TECRL: variants seen among roughly 807,000 people sequenced by gnomAD.
TECRL encodes the protein trans-2,3-enoyl-CoA reductase-like.
In TECRL, 63 loss-of-function variants were observed where a neutral mutation model predicts 52.8. The observed-to-expected ratio is 1.19, with a 90% confidence interval of 0.97 to 1.47. The LOEUF is 1.47. Among genes scored for constraint, TECRL ranks in the 40% most tolerant of loss-of-function variants. TECRL has a pLI of 0.00. For synonymous variants in TECRL, 164 were observed against 141.9 expected, an observed-to-expected ratio of 1.16 and a Z score of -1.10; for missense variants, 482 against 429.6, an observed-to-expected ratio of 1.12 and a Z score of -1.08.
At position 64,409,288 on chromosome 4, in the gene TECRL, T is replaced by C; in HGVS notation, c.64A>G (p.Thr22Ala). The C allele has an allele frequency of 1.9e-6, 3 of 1,613,866 alleles. No homozygotes were observed. The highest frequency in any genetic ancestry group is 1.7e-6 in the Non-Finnish European group (2 of 1,179,834). ...RKRALLSQRA[T>A]RFILKDDMRN... ...ATATCATCCTTCAGTATGAACCGTG[T>C]AGCTCTTTGGGAAAGTAATGCTCTC... Residue 22 changes from threonine (T) to alanine (A), a missense_variant, in exon 1 of 12, where the codon ACA becomes GCA. Coordinates refer to ENST00000381210, the MANE Select transcript of TECRL (RefSeq NM_001010874.5).
rs753933389 is a variant in TECRL, at chr4:64,409,068, G to A, written c.234+50C>T. 28 of 1,431,280 alleles carry A rather than the reference G, an allele frequency of 2.0e-5. No individual in the cohort carries two copies. In the South Asian group the frequency reaches 3.4e-4, roughly 17 times the overall value. The allele number at this position is 1,431,280 out of a possible 1,614,324, so 88.7% of individuals were successfully genotyped here. On this transcript the variant is annotated intron_variant, in intron 1 of 11. Coordinates refer to ENST00000381210, the MANE Select transcript of TECRL (RefSeq NM_001010874.5). Reference sequence around the variant, plus strand: ...CAAGCAATCAATAATATTTGGGGCAGAGAAGAAACACTTAAACAAACAAAC... The same window carrying A: ...CAAGCAATCAATAATATTTGGGGCAAAGAAGAAACACTTAAACAAACAAAC...
At chr4:64,290,856 C>T (rs1258168429) in intron 8 of TECRL, among the ~76,000 whole-genome samples, 2 of 151,924 alleles carry the variant, frequency 1.3e-5, no homozygotes, top group Admixed American at 6.6e-5. Context: ...AACAAATACA[C>T]CAAATATATT....
chr4:64,279,760 T>C lies in TECRL; in HGVS notation c.*312A>G. The C allele has an allele frequency of 1.0e-6, 1 of 987,894 alleles. No homozygotes were observed. The highest frequency in any genetic ancestry group is 1.2e-6 in the Non-Finnish European group (1 of 831,048). The allele number at this position is 987,894 out of a possible 1,614,324, so 61.2% of individuals were successfully genotyped here. Reference sequence around the variant, plus strand: ...TTTTTCATTTGTTAATCAGATTTTTTTTTTTGCTGTGGTATTTTGTCTTAT... The same window carrying C: ...TTTTTCATTTGTTAATCAGATTTTTCTTTTTGCTGTGGTATTTTGTCTTAT... On this transcript the variant is annotated 3_prime_UTR_variant, in exon 12 of 12. Transcript: ENST00000381210.
At chr4:64,365,872 A>G (rs560381082) in intron 2 of TECRL, among the ~76,000 whole-genome samples, 1 of 152,200 alleles carries the variant, frequency 6.6e-6, no homozygotes, top group Admixed American at 6.6e-5. Context: ...CAGAATTAGA[A>G]TAATAAAACT....
At chr4:64,316,280 TA>T (rs1377201459) in intron 4 of TECRL, among the ~76,000 whole-genome samples, 5 of 152,076 alleles carry the variant, frequency 3.3e-5, no homozygotes, top group Non-Finnish European at 7.4e-5. Context: ...GAGAGGAAAT[TA>T]AACTATAATC....
chr4:64,309,740 C>T (rs528253984), intron 6 of TECRL, 86 bp downstream of exon 6: 20 of 883,246 alleles, frequency 2.3e-5, no homozygotes, highest in African/African-American at 1.7e-4. Context: ...ATCTAAGTTT[C>T]GGAAGGAAAC....
At chr4:64,353,771 C>T (rs1224469555) in intron 2 of TECRL, among the ~76,000 whole-genome samples, 1 of 149,754 alleles carries the variant, frequency 6.7e-6, no homozygotes, top group Non-Finnish European at 1.5e-5. Context: ...ATTTTTTAAA[C>T]CATGCAAATG....
At position 64,350,654 on chromosome 4, in the gene TECRL, G is replaced by A. The variant is rs570344529; in HGVS notation, c.287-22098C>T. On this transcript the variant is annotated intron_variant, in intron 2 of 11. Coordinates refer to ENST00000381210, the MANE Select transcript of TECRL (RefSeq NM_001010874.5). ...TGGAGCCATATCCAATTAATTGAAA[G>A]CCTCACTTGATAAAGACTGATCTCC... 5.9e-5 allele frequency among the ~76,000 whole-genome samples: 9 copies of A among 152,128 alleles called. No individual in the cohort carries two copies. The East Asian group carries it at 1.4e-3, about 23-fold the overall frequency.
chr4:64,285,672 G>T (rs1172491579), intron 9 of TECRL, among the ~76,000 whole-genome samples: 4 of 152,104 alleles, frequency 2.6e-5, no homozygotes, highest in Non-Finnish European at 5.9e-5. Flanking sequence ...CAAAAGATGA[G>T]AGTTCACTTT....
Position 64,305,238 on chromosome 4 carries a change from T to C in TECRL, c.658A>G (p.Ser220Gly). Residue 220 changes from serine to glycine, a missense_variant and splice_region_variant, in exon 7 of 12, where the codon AGT (serine) becomes GGT (glycine). Physicochemically the swap from Ser to Gly is moderately conservative, Grantham distance 56. Coordinates refer to ENST00000381210, the MANE Select transcript of TECRL (RefSeq NM_001010874.5). ...GHTPLKNLIM[S>G]CAFYWGFTSW... ...GTAAATCCCCAGTAAAAGGCACAAC[T>C]CTGCAAACAAAACAAAACAAAATAA... 1.2e-6 allele frequency: 2 copies of C among 1,612,148 alleles called. No individual in the cohort carries two copies. Among genetic ancestry groups the C allele is most frequent in the South Asian group, 1.1e-5 (1 of 90,988 alleles).
chr4:64,317,924 T>TA (rs896102486), intron 4 of TECRL, among the ~76,000 whole-genome samples: 4 of 151,966 alleles, frequency 2.6e-5, no homozygotes, highest in Admixed American at 2.0e-4. Context: ...GGCCTGGGAA[T>TA]AAAAAAACAA....
chr4:64,302,136 T>C (rs983131889), intron 7 of TECRL, among the ~76,000 whole-genome samples: 1 of 151,396 alleles, frequency 6.6e-6, no homozygotes, highest in Non-Finnish European at 1.5e-5. Flanking sequence ...TTTGATAATC[T>C]ATTTCATTTA....
At chr4:64,362,441 A>C (rs1577936863) in intron 2 of TECRL, among the ~76,000 whole-genome samples, 1 of 152,086 alleles carries the variant, frequency 6.6e-6, no homozygotes, top group East Asian at 1.9e-4. Context: ...ATAAATAAAT[A>C]AAGGCAGTTA....
chr4:64,400,634 G>T (rs1724288919), intron 1 of TECRL, among the ~76,000 whole-genome samples: 1 of 152,138 alleles, frequency 6.6e-6, no homozygotes, highest in Non-Finnish European at 1.5e-5. Context: ...TCTCATGAAT[G>T]GTTTAGTACC....
intron 2 of TECRL, among the ~76,000 whole-genome samples, chr4:64,374,732 G>A (rs950386995): frequency 3.9e-5 from 6 of 152,038 alleles, no homozygotes; most frequent in African/African-American, 1.2e-4. Flanking sequence ...CCCTACAAAG[G>A]ACATGAACTC....
In TECRL at chr4:64,328,690, T is replaced by C. The variant is rs1398944493; in HGVS notation, c.287-134A>G. The C allele has an allele frequency of 1.2e-5, 8 of 691,458 alleles. No homozygotes were observed. In the East Asian group the frequency reaches 2.2e-4, roughly 19 times the overall value. The allele number at this position is 691,458 out of a possible 1,614,324, so 42.8% of individuals were successfully genotyped here. On this transcript the variant is annotated intron_variant, in intron 2 of 11. Transcript: ENST00000381210. ...GGTTATCTAGTGTCAGAAATAGAAA[T>C]AGTGGTTACCTTTTGTAGGGTACTG...
intron 2 of TECRL, among the ~76,000 whole-genome samples, chr4:64,348,811 G>A (rs932862885): frequency 3.9e-5 from 6 of 152,094 alleles, no homozygotes; most frequent in African/African-American, 1.4e-4. Flanking sequence ...TTCCCGGTGA[G>A]ATTGACCACT....
chr4:64,389,064 C>T (rs942611148), intron 1 of TECRL, among the ~76,000 whole-genome samples: 1 of 151,858 alleles, frequency 6.6e-6, no homozygotes, highest in African/African-American at 2.4e-5. Flanking sequence ...GACAAACATG[C>T]CATCTTCAAA....
At chr4:64,314,805 T>C (rs1447996703) in intron 4 of TECRL, 42 bp from the exon 5 acceptor site, 11 of 1,417,008 alleles carry the variant, frequency 7.8e-6, no homozygotes, top group Non-Finnish European at 1.1e-5. Flanking sequence ...TAAAAATAGA[T>C]GTTTTTAAGG....
Sources: allele counts gnomAD v4.1 joint callset (sites outside exome capture counted in the v4.1 genomes callset), GRCh38; gene constraint gnomAD v4.1.1; transcripts MANE v1.5; gene names NCBI Gene and HGNC (gene_info 2026-07-23, HGNC 2026-07-21).